The following NTF3 variants were observed in gnomAD, a reference collection of about 807,000 sequenced individuals.
NTF3 encodes neurotrophin-3.
NTF3 carries 8 observed loss-of-function variants against 26.3 expected under a neutral mutation model. The observed-to-expected ratio is 0.30, with a 90% CI of 0.18 to 0.55. The LOEUF (loss-of-function observed/expected upper bound fraction) is 0.55. NTF3 is among the 20% of genes least tolerant of loss of function. The pLI is 0.93. For synonymous variants in NTF3, 154 were observed against 145.5 expected, an observed-to-expected ratio of 1.06 and a Z score of -0.42; for missense variants, 276 against 352.9, an observed-to-expected ratio of 0.78 and a Z score of 1.75.
intron 1 of NTF3, among the ~76,000 whole-genome samples, chr12:5,445,081 T>C (rs1437412649): frequency 1.3e-5 from 2 of 152,160 alleles, no homozygotes; most frequent in African/African-American, 4.8e-5. Context: ...TCATTCAGGA[T>C]CAAAAAAGAA....
intron 1 of NTF3, among the ~76,000 whole-genome samples, chr12:5,452,164 C>T (rs1940382463): frequency 6.7e-6 from 1 of 149,460 alleles, no homozygotes; most frequent in South Asian, 2.1e-4. Flanking sequence ...GGCGCAATCT[C>T]AGCTCACTGC....
chr12:5,449,742 G>C (rs1209826967), intron 1 of NTF3, among the ~76,000 whole-genome samples: 1 of 152,202 alleles, frequency 6.6e-6, no homozygotes, highest in Non-Finnish European at 1.5e-5. Context: ...CCAACAGTAA[G>C]CTACTGGTTT....
At chr12:5,455,022 A>C (rs181357864) in intron 1 of NTF3, among the ~76,000 whole-genome samples, 2 of 152,084 alleles carry the variant, frequency 1.3e-5, no homozygotes, top group Non-Finnish European at 2.9e-5. Context: ...GCTCTCTAGG[A>C]TCCCTTCCTG....
At chr12:5,483,142 C>A (rs529264937) in intron 1 of NTF3, among the ~76,000 whole-genome samples, 87 of 151,708 alleles carry the variant, frequency 5.7e-4, no homozygotes, top group Admixed American at 4.7e-3. Context: ...TCTGTCTCAG[C>A]CTCTCTCTGT....
At chr12:5,469,596 T>C (rs1940638952) in intron 1 of NTF3, among the ~76,000 whole-genome samples, 1 of 152,180 alleles carries the variant, frequency 6.6e-6, no homozygotes, top group South Asian at 2.1e-4. Context: ...GAATTCATGA[T>C]TAATCTAGAA....
chr12:5,443,562 G>A (rs1591592314), intron 1 of NTF3, among the ~76,000 whole-genome samples: 1 of 152,276 alleles, frequency 6.6e-6, no homozygotes, highest in African/African-American at 2.4e-5. Flanking sequence ...ATGGTGCTTT[G>A]CGTCCAAGAT....
chr12:5,463,199 T>C (rs1272960268), intron 1 of NTF3, among the ~76,000 whole-genome samples: 1 of 152,128 alleles, frequency 6.6e-6, no homozygotes, highest in East Asian at 1.9e-4. Flanking sequence ...TTTGAGCAAA[T>C]CAAATCCTTA....
intron 1 of NTF3, among the ~76,000 whole-genome samples, chr12:5,478,578 T>A (rs1395760633): frequency 2.0e-5 from 3 of 152,260 alleles, no homozygotes; most frequent in African/African-American, 7.2e-5. Context: ...GGGCAGCATT[T>A]AGCCTTTTCA....
chr12:5,476,169 C>CATT (rs1940721894), intron 1 of NTF3, among the ~76,000 whole-genome samples: 1 of 152,142 alleles, frequency 6.6e-6, no homozygotes, highest in South Asian at 2.1e-4. Context: ...ACCGTGCAAC[C>CATT]ATTACCCCAA....
intron 1 of NTF3, among the ~76,000 whole-genome samples, chr12:5,464,358 C>A (rs958870608): frequency 6.6e-6 from 1 of 152,142 alleles, no homozygotes; most frequent in Non-Finnish European, 1.5e-5. Context: ...ATGCAGACAG[C>A]CCCCAACTTA....
At chr12:5,471,199 T>C (rs1940662307) in intron 1 of NTF3, among the ~76,000 whole-genome samples, 1 of 152,170 alleles carries the variant, frequency 6.6e-6, no homozygotes, top group African/African-American at 2.4e-5. Flanking sequence ...GGGCTATTAA[T>C]GTGGAACAGA....
chr12:5,474,052 G>A (rs779744529), intron 1 of NTF3, among the ~76,000 whole-genome samples: 10 of 152,232 alleles, frequency 6.6e-5, no homozygotes, highest in Non-Finnish European at 1.3e-4. Flanking sequence ...AGAAGAGAGA[G>A]CATGGAATTT....
At chr12:5,477,238 C>T (rs757621136) in intron 1 of NTF3, among the ~76,000 whole-genome samples, 60 of 152,146 alleles carry the variant, frequency 3.9e-4, no homozygotes, top group Non-Finnish European at 7.1e-4. Context: ...ATCCCAGCTC[C>T]GCTAAGCTGA....
intron 1 of NTF3, among the ~76,000 whole-genome samples, chr12:5,470,018 G>A (rs561042034): frequency 8.4e-4 from 128 of 152,220 alleles, no homozygotes; most frequent in African/African-American, 3.0e-3. Flanking sequence ...TCCGCCTCCC[G>A]GGTTCACTCC....
At chr12:5,479,123 A>C (rs994987204) in intron 1 of NTF3, among the ~76,000 whole-genome samples, 1 of 152,216 alleles carries the variant, frequency 6.6e-6, no homozygotes, top group Non-Finnish European at 1.5e-5. Context: ...GGATTGTTTT[A>C]GATACAATTT....
chr12:5,461,826 A>G (rs1940529650), intron 1 of NTF3, among the ~76,000 whole-genome samples: 2 of 152,150 alleles, frequency 1.3e-5, no homozygotes. Flanking sequence ...TAGAAGGGAA[A>G]CCTGTGGCAT....
At chr12:5,487,432 G>T (rs1049464002) in intron 1 of NTF3, among the ~76,000 whole-genome samples, 1 of 152,208 alleles carries the variant, frequency 6.6e-6, no homozygotes, top group Admixed American at 6.5e-5. Flanking sequence ...CTGTTCAGGG[G>T]TCCCTGTTCC....
At chr12:5,453,005 CTGAG>C (rs755831234) in intron 1 of NTF3, among the ~76,000 whole-genome samples, 4 of 152,162 alleles carry the variant, frequency 2.6e-5, no homozygotes, top group Non-Finnish European at 4.4e-5. Context: ...GGCCAGGTGA[CTGAG>C]TAAGATCGTT....
intron 1 of NTF3, among the ~76,000 whole-genome samples, chr12:5,482,535 TG>T (rs1940819790): frequency 6.6e-6 from 1 of 152,176 alleles, no homozygotes; most frequent in Non-Finnish European, 1.5e-5. Context: ...CTAATGTGAA[TG>T]GAAGTGCACA....
Sources: gnomAD v4.1 joint callset for allele counts (sites outside exome capture counted in the v4.1 genomes callset) on GRCh38, gnomAD v4.1.1 for gene constraint, MANE v1.5 for transcripts, NCBI Gene and HGNC (gene_info 2026-07-23, HGNC 2026-07-21) for gene names.